The following CADPS2 variants were observed in gnomAD, a reference collection of about 807,000 sequenced individuals.
The protein encoded by CADPS2 is calcium dependent secretion activator 2, also known as calcium-dependent secretion activator 2.
In CADPS2, 93 loss-of-function variants were observed where a neutral mutation model predicts 172.5. The observed-to-expected ratio is 0.54, with a 90% CI of 0.46 to 0.64. The LOEUF (loss-of-function observed/expected upper bound fraction) is 0.64. Ranked by LOEUF, CADPS2 falls within the 30% of genes least tolerant of loss-of-function variation. The probability of loss-of-function intolerance (pLI) is 0.00; values close to 1 mark genes in which losing one functional copy is unlikely to be tolerated. For synonymous variants in CADPS2, 546 were observed against 555.2 expected, an observed-to-expected ratio of 0.98 and a Z score of 0.23; for missense variants, 1,420 against 1,565.9, an observed-to-expected ratio of 0.91 and a Z score of 1.57.
intron 4 of CADPS2, 148 bp from the exon 5 acceptor site, chr7:122,621,865 C>CTACA: frequency 1.7e-6 from 1 of 589,302 alleles, no homozygotes; most frequent in Non-Finnish European, 2.9e-6. Context: ...GCTGTAAAAT[C>CTACA]CTCAGGCTTT....
intron 1 of CADPS2, among the ~76,000 whole-genome samples, chr7:122,807,141 G>A (rs1042820915): frequency 6.6e-6 from 1 of 152,204 alleles, no homozygotes; most frequent in Non-Finnish European, 1.5e-5. Flanking sequence ...CATGCAGGGG[G>A]CATGTGCTGG....
chr7:122,520,854 T>C (rs1337792620), intron 8 of CADPS2, among the ~76,000 whole-genome samples: 12 of 152,288 alleles, frequency 7.9e-5, no homozygotes, highest in African/African-American at 1.4e-4. Context: ...TGAGAGTTCA[T>C]GGTTTTACTT....
intron 12 of CADPS2, among the ~76,000 whole-genome samples, chr7:122,476,861 T>C (rs1163017588): frequency 3.9e-5 from 6 of 152,018 alleles, no homozygotes; most frequent in Non-Finnish European, 8.8e-5. Flanking sequence ...ATTTAGAACA[T>C]TTCATGCAAA....
At chr7:122,605,257 A>C (rs912961603) in intron 6 of CADPS2, among the ~76,000 whole-genome samples, 5 of 152,084 alleles carry the variant, frequency 3.3e-5, no homozygotes, top group Admixed American at 1.3e-4. Context: ...ACTGCACACT[A>C]CTACAGACTT....
intron 14 of CADPS2, among the ~76,000 whole-genome samples, chr7:122,453,041 G>A (rs1287487343): frequency 6.6e-6 from 1 of 151,942 alleles, no homozygotes; most frequent in South Asian, 2.1e-4. Flanking sequence ...TTCCAATATA[G>A]AGTACATAAT....
At chr7:122,608,678 G>A (rs902524258) in intron 6 of CADPS2, among the ~76,000 whole-genome samples, 5 of 151,984 alleles carry the variant, frequency 3.3e-5, no homozygotes, top group African/African-American at 9.7e-5. Flanking sequence ...TCAGGTGGTG[G>A]GCAGTAGAGA....
rs561692085 is a variant in CADPS2, at chr7:122,863,640, G to A, written c.339+22359C>T. Among the ~76,000 whole-genome samples, 8 of 152,288 alleles carry A rather than the reference G, an allele frequency of 5.3e-5. No homozygotes were observed. In the East Asian group the frequency reaches 1.4e-3, roughly 26 times the overall value. ...CAAAAAAAGTTCAAATGAATGAAAT[G>A]GTAATCAACATATATGTAGCTGTGC... On this transcript the variant is annotated intron_variant, in intron 1 of 29. Transcript: ENST00000449022.
intron 1 of CADPS2, among the ~76,000 whole-genome samples, chr7:122,852,097 G>A (rs1813819814): frequency 6.6e-6 from 1 of 152,000 alleles, no homozygotes; most frequent in South Asian, 2.1e-4. Flanking sequence ...AAGTGAAAAA[G>A]TTTTTTTCTA....
chr7:122,574,110 G>C (rs895495482), intron 7 of CADPS2, among the ~76,000 whole-genome samples: 1 of 151,960 alleles, frequency 6.6e-6, no homozygotes, highest in South Asian at 2.1e-4. Context: ...TAAATATATT[G>C]ATGTCGTTGA....
chr7:122,744,400 G>A (rs748067758), intron 1 of CADPS2, among the ~76,000 whole-genome samples: 4 of 152,088 alleles, frequency 2.6e-5, no homozygotes, highest in Non-Finnish European at 5.9e-5. Flanking sequence ...CAGTAATATG[G>A]TACCATACCT....
chr7:122,665,934 T>C (rs71574713), intron 2 of CADPS2, among the ~76,000 whole-genome samples: 7,768 of 152,278 alleles, frequency 0.051, 258 homozygotes, highest in African/African-American at 0.058. Flanking sequence ...TAAATATTCA[T>C]GTATCAAAGA....
intron 8 of CADPS2, among the ~76,000 whole-genome samples, chr7:122,537,469 C>G (rs1035447338): frequency 2.0e-5 from 3 of 151,132 alleles, no homozygotes; most frequent in Non-Finnish European, 4.4e-5. Flanking sequence ...CACAAAAACT[C>G]AACATAAGCA....
chr7:122,715,685 A>G (rs2089490909), intron 2 of CADPS2, among the ~76,000 whole-genome samples: 1 of 151,188 alleles, frequency 6.6e-6, no homozygotes, highest in Admixed American at 6.6e-5. Flanking sequence ...AAGGCTTAAA[A>G]CCTCTCAACA....
chr7:122,673,228 G>A (rs577238849), intron 2 of CADPS2, among the ~76,000 whole-genome samples: 43 of 152,314 alleles, frequency 2.8e-4, no homozygotes, highest in Middle Eastern at 3.4e-3. Flanking sequence ...CTTCCACAGC[G>A]GGGAATGGGA....
intron 1 of CADPS2, among the ~76,000 whole-genome samples, chr7:122,834,262 T>G (rs764498): frequency 1.3e-5 from 2 of 152,158 alleles, no homozygotes; most frequent in African/African-American, 4.8e-5. Flanking sequence ...TTACCCTAAA[T>G]ACAGAGTTGA....
At chr7:122,828,930 C>T (rs2140527356) in intron 1 of CADPS2, among the ~76,000 whole-genome samples, 1 of 152,304 alleles carries the variant, frequency 6.6e-6, no homozygotes, top group African/African-American at 2.4e-5. Context: ...TGTGCTGTCC[C>T]AAGCTGCCTC....
intron 19 of CADPS2, among the ~76,000 whole-genome samples, chr7:122,408,180 A>ATT (rs35514146): frequency 0.014 from 2,004 of 141,464 alleles, 24 homozygotes; most frequent in African/African-American, 0.036. Flanking sequence ...ATATACTGTT[A>ATT]TTTTTTTTTT....
At chr7:122,429,583 C>G (rs2049612636) in intron 17 of CADPS2, among the ~76,000 whole-genome samples, 1 of 152,050 alleles carries the variant, frequency 6.6e-6, no homozygotes, top group Non-Finnish European at 1.5e-5. Flanking sequence ...CCAAGCCACA[C>G]TGTCCAAAAA....
At chr7:122,847,193 T>A (rs1812222015) in intron 1 of CADPS2, among the ~76,000 whole-genome samples, 1 of 152,122 alleles carries the variant, frequency 6.6e-6, no homozygotes, top group Non-Finnish European at 1.5e-5. Context: ...TTCAAGCAAT[T>A]CTCCTATCTT....
Sources: allele counts gnomAD v4.1 joint callset (sites outside exome capture counted in the v4.1 genomes callset), GRCh38; gene constraint gnomAD v4.1.1; transcripts MANE v1.5; gene names NCBI Gene and HGNC (gene_info 2026-07-23, HGNC 2026-07-21).